The following NNMT variants were observed in gnomAD, a reference collection of about 807,000 sequenced individuals.
NNMT encodes the protein nicotinamide N-methyltransferase.
In NNMT, 10 loss-of-function variants were observed where a neutral mutation model predicts 11.7. The observed-to-expected ratio is 0.85, with a 90% CI of 0.53 to 1.45. The LOEUF is 1.45. Ranked by LOEUF, NNMT falls within the 40% of genes most tolerant of loss-of-function variation. NNMT has a pLI of 0.00. For synonymous variants in NNMT, 143 were observed against 133.8 expected (o/e 1.07, Z -0.48); for missense variants, 381 against 319.4 (o/e 1.19, Z -1.47).
At chr11:114,282,901 C>A (rs1378645241) in intron 2 of NNMT, among the ~76,000 whole-genome samples, 1 of 152,224 alleles carries the variant, frequency 6.6e-6, no homozygotes, top group East Asian at 1.9e-4. Flanking sequence ...CTTAGCTTAT[C>A]TCACTGATAC....
intron 2 of NNMT, among the ~76,000 whole-genome samples, chr11:114,298,722 G>T (rs1945408922): frequency 6.6e-6 from 1 of 152,220 alleles, no homozygotes; most frequent in African/African-American, 2.4e-5. Flanking sequence ...ATCCATGAAA[G>T]TAGACTTTGT....
chr11:114,296,156 A>G (rs75444675), upstream of NNMT: 824 of 159,298 alleles, frequency 5.2e-3, 7 homozygotes, highest in African/African-American at 0.019. Context: ...GGTGCTTGTT[A>G]GGGGATGTCC....
intron 2 of NNMT, among the ~76,000 whole-genome samples, chr11:114,290,562 G>A (rs919016915): frequency 1.3e-5 from 2 of 152,150 alleles, no homozygotes; most frequent in African/African-American, 4.8e-5. Flanking sequence ...TGGAAAACTA[G>A]GGCTCAGCCA....
At chr11:114,262,230 T>C (rs1348521075) in intron 1 of NNMT, among the ~76,000 whole-genome samples, 1 of 152,196 alleles carries the variant, frequency 6.6e-6, no homozygotes, top group Non-Finnish European at 1.5e-5. Context: ...CAGGGGTACA[T>C]GTGCCGGATG....
rs1945564145 is a variant in NNMT, at chr11:114,312,567, G to A, written c.*90G>A. On this transcript the variant is annotated 3_prime_UTR_variant, in exon 3 of 3. Transcript: ENST00000299964. ...ACTGCCAAGTCATGTGCTGAGTAGA[G>A]GCTCAGTGGTTGGGGCCCAATGGTT... 1.1e-5 allele frequency: 15 copies of A among 1,325,252 alleles called. No homozygotes were observed. The South Asian group carries it at 1.9e-4, about 17-fold the overall frequency. 82.1% of individuals were successfully genotyped at this position (1,325,252 alleles called of 1,614,324 possible).
chr11:114,265,527 A>G (rs9326242), intron 2 of NNMT, among the ~76,000 whole-genome samples: 51,944 of 151,920 alleles, frequency 0.34, 10,329 homozygotes, highest in African/African-American at 0.56. Context: ...TTGCTTTTAG[A>G]GTGTACCTCT....
At chr11:114,309,155 C>T (rs1945522992) in intron 2 of NNMT, among the ~76,000 whole-genome samples, 2 of 152,190 alleles carry the variant, frequency 1.3e-5, no homozygotes, top group African/African-American at 2.4e-5. Flanking sequence ...TTGATATACA[C>T]TTTATTATTA....
chr11:114,280,290 G>A (rs369064994), intron 2 of NNMT, among the ~76,000 whole-genome samples: 1 of 152,158 alleles, frequency 6.6e-6, no homozygotes, highest in African/African-American at 2.4e-5. Context: ...GCTGGAGGGA[G>A]GGCTGAGTAC....
chr11:114,262,361 C>G (rs988133816), intron 1 of NNMT, among the ~76,000 whole-genome samples: 1 of 152,112 alleles, frequency 6.6e-6, no homozygotes, highest in African/African-American at 2.4e-5. Flanking sequence ...CCTTTCACCC[C>G]CAACCCAACA....
At chr11:114,291,880 T>A (rs988813445), upstream of NNMT, among the ~76,000 whole-genome samples, 2 of 152,206 alleles carry the variant, frequency 1.3e-5, no homozygotes, top group African/African-American at 4.8e-5. Context: ...TAATAATTTC[T>A]GACTCAAGTT....
In NNMT at chr11:114,311,980, C is replaced by A. The variant is rs1945552858; in HGVS notation, c.363-65C>A. On this transcript the variant is annotated intron_variant, in intron 2 of 2. Coordinates refer to ENST00000299964, the MANE Select transcript of NNMT (RefSeq NM_006169.3). ...ACAATACGGCCATTTTTAGCCTTGA[C>A]CCAAGAGATCTGGGTTCCCCATGAC... 3.3e-6 allele frequency: 5 copies of A among 1,500,642 alleles called. No homozygotes were observed. The Admixed American group carries it at 9.0e-5, about 27-fold the overall frequency. The allele number at this position is 1,500,642 out of a possible 1,614,324, so 93.0% of individuals were successfully genotyped here. A position where few individuals can be genotyped will look rare whatever the true frequency, so the allele number is the denominator to read the frequency against.
Position 114,312,406 on chromosome 11 carries a change from T to A in NNMT, c.724T>A (p.Tyr242Asn). The A allele has an allele frequency of 1.2e-6, 2 of 1,614,206 alleles. No homozygotes were observed. Among genetic ancestry groups the A allele is most frequent in the Non-Finnish European group, 1.7e-6 (2 of 1,180,034 alleles). ...IEWFEVISQS[Y>N]SSTMANNEGL... ...ATGGTTTGAGGTGATCTCGCAAAGT[T>A]ATTCTTCCACCATGGCCAACAACGA... Residue 242 changes from tyrosine to asparagine, a missense_variant, in exon 3 of 3, where the codon TAT becomes AAT. By Grantham distance (143) the Tyr-to-Asn change is moderately radical. Coordinates refer to ENST00000299964, the MANE Select transcript of NNMT (RefSeq NM_006169.3).
intron 1 of NNMT, 121 bp from the exon 2 acceptor site, chr11:114,297,830 A>T (rs1945397018): frequency 1.2e-6 from 1 of 812,714 alleles, no homozygotes; most frequent in African/African-American, 1.7e-5. Context: ...AAAAGTTGTG[A>T]ACAGTAGTGG....
chr11:114,305,150 G>A (rs1945477555), intron 2 of NNMT, among the ~76,000 whole-genome samples: 2 of 152,222 alleles, frequency 1.3e-5, no homozygotes, highest in Non-Finnish European at 2.9e-5. Context: ...TCTGCTAAGG[G>A]TGGTATGCAC....
At position 114,312,134 on chromosome 11, in the gene NNMT, C is replaced by T; in HGVS notation, c.452C>T (p.Ala151Val). The T allele has an allele frequency of 1.9e-6, 3 of 1,613,836 alleles. 1 individual carries two copies. In the South Asian group the frequency reaches 3.3e-5, roughly 18 times the overall value. ...CDVTQSQPLG[A>V]VPLPPADCVL... ...GTGACTCAGAGCCAGCCACTGGGGG[C>T]CGTCCCCTTACCCCCGGCTGACTGC... Residue 151 changes from alanine (A) to valine (V), a missense_variant, in exon 3 of 3, where the codon GCC becomes GTC. Ala to Val is a moderately conservative substitution (Grantham distance 64). Coordinates refer to ENST00000299964, the MANE Select transcript of NNMT (RefSeq NM_006169.3).
At chr11:114,261,439 C>G (rs2135239311) in intron 1 of NNMT, among the ~76,000 whole-genome samples, 1 of 152,250 alleles carries the variant, frequency 6.6e-6, no homozygotes, top group African/African-American at 2.4e-5. Context: ...AATAAATTAG[C>G]CGGGTGTGGT....
intron 1 of NNMT, chr11:114,297,345 A>C (rs1477772657): frequency 1.3e-5 from 2 of 151,952 alleles, no homozygotes; most frequent in Non-Finnish European, 2.9e-5. Context: ...TTTGACTTTA[A>C]ATTTTATTAA....
chr11:114,267,517 G>A (rs187746897), intron 2 of NNMT, among the ~76,000 whole-genome samples: 1 of 152,104 alleles, frequency 6.6e-6, no homozygotes, highest in African/African-American at 2.4e-5. Context: ...CACCGTATTA[G>A]TTCGTTGTTA....
intron 2 of NNMT, among the ~76,000 whole-genome samples, chr11:114,275,295 A>G (rs1159348859): frequency 6.6e-6 from 1 of 152,232 alleles, no homozygotes; most frequent in Non-Finnish European, 1.5e-5. Context: ...ACTGGAAGGG[A>G]AAGATGATGG....
Sources: gnomAD v4.1 joint callset for allele counts (sites outside exome capture counted in the v4.1 genomes callset) on GRCh38, gnomAD v4.1.1 for gene constraint, MANE v1.5 for transcripts, NCBI Gene and HGNC (gene_info 2026-07-23, HGNC 2026-07-21) for gene names.